The following POLG variants were observed in gnomAD, a reference collection of about 807,000 sequenced individuals.
POLG encodes the protein DNA polymerase gamma, catalytic subunit, also known as DNA polymerase subunit gamma-1.
In POLG, 110 loss-of-function variants were observed where a neutral mutation model predicts 155.4. The observed-to-expected ratio is 0.71, with a 90% confidence interval of 0.61 to 0.83. POLG has a LOEUF of 0.83. Among genes scored for constraint, POLG ranks in the 40% least tolerant of loss-of-function variants. The pLI, the probability that POLG is intolerant of heterozygous loss-of-function variation, is 0.00. For synonymous variants in POLG, 701 were observed against 631.5 expected (o/e 1.11, Z -1.65); for missense variants, 1,685 against 1,627.5 (o/e 1.04, Z -0.61).
Position 89,325,216 on chromosome 15 carries a change from G to GAGTT in POLG, c.1949+233_1949+234insAACT, listed in dbSNP as rs2055488178. Among the ~76,000 whole-genome samples the GAGTT allele has an allele frequency of 5.8e-5, 4 of 69,522 alleles. 1 individual carries two copies. Among genetic ancestry groups the GAGTT allele is most frequent in the African/African-American group, 1.9e-4 (4 of 21,484 alleles). 45.6% of individuals were successfully genotyped at this position (69,522 alleles called of 152,430 possible). The stretch of plus-strand genomic sequence containing the variant: ...TGAGAGAGTGAGTGAGAGAGTGAGT[G>GAGTT]AGTGAGAGAGTGAGTGAGAGAGTGA... On this transcript the variant is annotated intron_variant, in intron 10 of 22. Transcript: ENST00000268124.
rs1567187766 is a variant in POLG, at chr15:89,322,774, AATC to A, written c.2391_2393del (p.Met797del). On this transcript the variant is annotated inframe_deletion, in exon 14 of 23. Transcript: ENST00000268124. ...GTTTATGGGCGTTCCTCCAGAAAGA[AATC>A]ATTTTGTTGATTTCCAGAGCACGGG... is the stretch of plus-strand genomic sequence containing the variant. The A allele has an allele frequency of 6.2e-7, 1 of 1,614,156 alleles. No homozygotes were observed. Among genetic ancestry groups the A allele is most frequent in the Non-Finnish European group, 8.5e-7 (1 of 1,180,022 alleles).
At chr15:89,330,326 C>G (rs1264270446) in intron 2 of POLG, 50 bp from the exon 3 acceptor site, 2 of 1,404,718 alleles carry the variant, frequency 1.4e-6, no homozygotes, top group South Asian at 2.4e-5. Context: ...ATTAAACTTC[C>G]ACTCCACAAC....
At position 89,333,890 on chromosome 15, in the gene POLG, C is replaced by T; in HGVS notation, c.-136G>A. 9.6e-7 allele frequency: 1 copy of T among 1,039,620 alleles called. No homozygotes were observed. The highest frequency in any genetic ancestry group is 1.4e-6 in the Non-Finnish European group (1 of 706,970). The allele number at this position is 1,039,620 out of a possible 1,614,324, so 64.4% of individuals were successfully genotyped here. On this transcript the variant is annotated 5_prime_UTR_variant, in exon 2 of 23. An upstream start codon of the reference 5' UTR is lost. Coordinates refer to ENST00000268124, the MANE Select transcript of POLG (RefSeq NM_002693.3). ...CTCCTGTCAGTGAAATGGGTTTGAC[C>T]ATGCCTGCCTTCCACCCCAAATCCT...
intron 18 of POLG, among the ~76,000 whole-genome samples, chr15:89,320,083 C>T (rs985578333): frequency 6.6e-6 from 1 of 152,210 alleles, no homozygotes; most frequent in Non-Finnish European, 1.5e-5. Context: ...TACTCAGCTC[C>T]CCTTCCCTGC....
At chr15:89,334,370 G>C (rs1199709544) in intron 1 of POLG, 3 of 153,446 alleles carry the variant, frequency 2.0e-5, no homozygotes, top group Non-Finnish European at 2.9e-5. Context: ...CCATTACCGC[G>C]ACCGGCGCGG....
chr15:89,329,129 A>G lies in POLG; in HGVS notation c.856-19T>C. ...GGGAACCCTGAGGAGGAGGAGGAGA[A>G]AAGGGAAGGGAAGGAGGGAGGCTGC... On this transcript the variant is annotated intron_variant, in intron 3 of 22. Transcript: ENST00000268124. The G allele has an allele frequency of 6.2e-7, 1 of 1,604,126 alleles. No homozygotes were observed. Among genetic ancestry groups the G allele is most frequent in the Non-Finnish European group, 8.5e-7 (1 of 1,176,902 alleles).
At chr15:89,322,309 G>A (rs965164941) in intron 14 of POLG, among the ~76,000 whole-genome samples, 1 of 152,176 alleles carries the variant, frequency 6.6e-6, no homozygotes, top group East Asian at 1.9e-4. Context: ...CACACAGGCA[G>A]ACTTCACCAT....
In POLG at chr15:89,333,480, C is replaced by A; in HGVS notation, c.275G>T (p.Gly92Val). 1 of 1,612,440 alleles carries A rather than the reference C, an allele frequency of 6.2e-7. No homozygotes were observed. Among genetic ancestry groups the A allele is most frequent in the Non-Finnish European group, 8.5e-7 (1 of 1,179,686 alleles). The change falls in exon 2 of 23, where the codon GGG (glycine) becomes GTG (valine). Residue 92 changes from glycine to valine, a missense_variant. Coordinates refer to ENST00000268124, the MANE Select transcript of POLG (RefSeq NM_002693.3). ...CACCGCGGCCTCGCCAGGCATCTCC[C>A]CTCCTTGCCCGAAGATTTGCTCGTG... is the stretch of plus-strand genomic sequence containing the variant. The part of the protein sequence containing the change: ...GLHEQIFGQG[G>V]EMPGEAAVRR...
rs150828914 is a variant in POLG at position 89,327,211 on chromosome 15, C to T, written c.1389G>A (p.Leu463=). 1.5e-5 allele frequency: 24 copies of T among 1,614,240 alleles called. No individual in the cohort carries two copies. In the African/African-American group the frequency reaches 3.1e-4, roughly 21 times the overall value. The change falls in exon 7 of 23, where the codon TTG becomes TTA. Residue 463 remains leucine (L), a synonymous_variant. Transcript: ENST00000268124. ...EELQREMKKS[L]MDLANDACQL... ...GGCAGGCATCATTGGCCAGATCCATCAACGACTTCTTCATCTCCCGCTGGA... is the reference window on the plus strand; with the variant it reads ...GGCAGGCATCATTGGCCAGATCCATTAACGACTTCTTCATCTCCCGCTGGA...
intron 14 of POLG, 68 bp from the exon 15 acceptor site, chr15:89,322,083 T>C: frequency 6.2e-6 from 9 of 1,454,622 alleles, no homozygotes; most frequent in Admixed American, 1.7e-5. Context: ...CATCCCACCA[T>C]GGCCCTCACC....
At position 89,328,831 on chromosome 15, in the gene POLG, T is replaced by C; in HGVS notation, c.1024A>G (p.Ile342Val). Residue 342 changes from isoleucine to valine, a missense_variant and splice_region_variant, in exon 5 of 23, where the codon ATC (isoleucine) becomes GTC (valine). Physicochemically the swap from Ile to Val is conservative, Grantham distance 29 (BLOSUM62 3). This residue lies in a region of POLG where 1,210 missense variants were observed against 1,167.1 expected (regional missense o/e 1.04). Coordinates refer to ENST00000268124, the MANE Select transcript of POLG (RefSeq NM_002693.3). ...SQRKARRGPA[I>V]SSWDWLDISS... The stretch of plus-strand genomic sequence containing the variant: ...ATGTCCAGCCAGTCCCAGGATGAGA[T>C]CTGGGGAACCAGAGCAAGGGACATG... 6.2e-7 allele frequency: 1 copy of C among 1,614,094 alleles called. No homozygotes were observed. The highest frequency in any genetic ancestry group is 8.5e-7 in the Non-Finnish European group (1 of 1,180,036).
rs1057520351 is a variant in POLG, at chr15:89,324,093, G to C, written c.2070+14C>G. 2 of 1,613,848 alleles carry C rather than the reference G, an allele frequency of 1.2e-6. No individual in the cohort carries two copies. Among genetic ancestry groups the C allele is most frequent in the Non-Finnish European group, 1.7e-6 (2 of 1,180,044 alleles). On this transcript the variant is annotated intron_variant, in intron 11 of 22. Transcript: ENST00000268124. ...CTCCCCTCCCCAAAGCTCAGGTTCA[G>C]AGCCTGCCCTCACCGTTTGCCATAT...
chr15:89,316,906 AT>A (rs2055287007), intron 22 of POLG, 79 bp from the exon 23 acceptor site: 1 of 1,010,280 alleles, frequency 9.9e-7, no homozygotes, highest in African/African-American at 1.6e-5. Flanking sequence ...AAGGAGCTTA[AT>A]GCTAAGGTCA....
Position 89,323,872 on chromosome 15 carries a change from C to T in POLG, c.2100G>A (p.Glu700=), listed in dbSNP as rs771321898. 18 of 1,613,986 alleles carry T rather than the reference C, an allele frequency of 1.1e-5. No individual in the cohort carries two copies. The highest frequency in any genetic ancestry group is 1.6e-4 in the Middle Eastern group (1 of 6,084). The change falls in exon 12 of 23, where the codon GAG becomes GAA. Residue 700 remains glutamate, a synonymous_variant. Coordinates refer to ENST00000268124, the MANE Select transcript of POLG (RefSeq NM_002693.3). ...TVEELDYLEV[E]AEAKMENLRA... ...GCAAGTTCTCCATCTTGGCCTCAGC[C>T]TCCACTTCTAAGTAATCCAGTTCTT...
Position 89,322,856 on chromosome 15 carries a change from AG to A in POLG, c.2311del (p.Leu771CysfsTer27). 1 of 1,613,918 alleles carries A rather than the reference AG, an allele frequency of 6.2e-7. No homozygotes were observed. Among genetic ancestry groups the A allele is most frequent in the East Asian group, 2.2e-5 (1 of 44,880 alleles). ...NVGSPFAKDFLPKMEDGTLQA... is the reference protein window; with the variant it reads ...NVGSPFAKDFXPKMEDGTLQA... ...CAGGGTGCCATCCTCCATCTTGGGC[AG>A]GAAGTCCTTGGCAAAGGGGCTTCCC... is the stretch of plus-strand genomic sequence containing the variant. On this transcript the variant is annotated frameshift_variant, in exon 14 of 23. Coordinates refer to ENST00000268124, the MANE Select transcript of POLG (RefSeq NM_002693.3). LOFTEE classifies it high-confidence loss of function.
rs1463396518 is a variant in POLG, at chr15:89,325,660, A to G, written c.1739T>C (p.Leu580Pro). The G allele has an allele frequency of 6.2e-7, 1 of 1,610,286 alleles. No homozygotes were observed. Among genetic ancestry groups the G allele is most frequent in the South Asian group, 1.1e-5 (1 of 91,088 alleles). The change falls in exon 10 of 23, where the codon CTA becomes CCA. Residue 580 changes from leucine (L) to proline (P), a missense_variant. Coordinates refer to ENST00000268124, the MANE Select transcript of POLG (RefSeq NM_002693.3). ...PGWYRKLCPR[L>P]DDPAWTPGPS... ...GCCCGGGGTCCATGCAGGGTCGTCT[A>G]GCCGGGGGCAGAGCTTCCGGTACCA... is the stretch of plus-strand genomic sequence containing the variant.
chr15:89,325,037 AGAGTGAGT>A lies in POLG; in HGVS notation c.1949+405_1949+412del, dbSNP rs71824331. Among the ~76,000 whole-genome samples, 18 of 70,864 alleles carry A rather than the reference AGAGTGAGT, an allele frequency of 2.5e-4. 1 individual carries two copies. Among genetic ancestry groups the A allele is most frequent in the Non-Finnish European group, 5.0e-4 (16 of 32,278 alleles). 46.5% of individuals were successfully genotyped at this position (70,864 alleles called of 152,430 possible). On this transcript the variant is annotated intron_variant, in intron 10 of 22. Transcript: ENST00000268124. ...CATGGAAGAAAAAACCTGAACCCAG[AGAGTGAGT>A]GAGTGAGTGAGAGAGTGAGTGAGTG...
chr15:89,323,745 C>CT, intron 12 of POLG, 70 bp downstream of exon 12: 1 of 1,268,306 alleles, frequency 7.9e-7, no homozygotes, highest in Non-Finnish European at 1.2e-6. Flanking sequence ...CTGGGAAGAA[C>CT]TAGGTGGGCA....
rs753362163 is a variant in POLG at position 89,324,146 on chromosome 15, C to T, written c.2031G>A (p.Glu677=). The part of the protein sequence containing the change: ...QLMPQEAGLA[E]EFLLTDNSAI... ...CACTATTGTCAGTGAGCAGGAACTC[C>T]TCCGCCAGGCCGGCCTCCTGGGGCA... Residue 677 remains glutamate (E), a synonymous_variant, in exon 11 of 23, where the codon GAG becomes GAA. Transcript: ENST00000268124. 6.8e-6 allele frequency: 11 copies of T among 1,614,070 alleles called. No homozygotes were observed. Among genetic ancestry groups the T allele is most frequent in the Non-Finnish European group, 9.3e-6 (11 of 1,180,038 alleles).
Sources: allele counts gnomAD v4.1 joint callset (sites outside exome capture counted in the v4.1 genomes callset), GRCh38; gene constraint gnomAD v4.1.1; regional missense constraint gnomAD v4.1.1; transcripts MANE v1.5; gene names NCBI Gene and HGNC (gene_info 2026-07-23, HGNC 2026-07-21).